The following DPP6 variants were observed in gnomAD, a reference collection of about 807,000 sequenced individuals.
DPP6 encodes the protein dipeptidyl peptidase like 6.
DPP6 carries 69 observed loss-of-function variants against 122.6 expected under a neutral mutation model. That is an observed-to-expected ratio of 0.56 (90% confidence interval 0.46 to 0.69). The LOEUF is 0.69. Among genes scored for constraint, DPP6 ranks in the 30% least tolerant of loss-of-function variants. The probability of loss-of-function intolerance (pLI) is 0.00; values close to 1 mark genes in which losing one functional copy is unlikely to be tolerated. For missense variants in DPP6, 928 were observed against 1,116.9 expected, an observed-to-expected ratio of 0.83 and a Z score of 2.41; for synonymous variants, 418 against 433.1, an observed-to-expected ratio of 0.97 and a Z score of 0.43.
chr7:154,331,274 G>A (rs1243178790), intron 1 of DPP6, among the ~76,000 whole-genome samples: 1 of 152,184 alleles, frequency 6.6e-6, no homozygotes, highest in Non-Finnish European at 1.5e-5. Flanking sequence ...TCAGTACGCA[G>A]GGACTGTCTC....
At chr7:154,408,266 T>C (rs1409537722) in intron 1 of DPP6, among the ~76,000 whole-genome samples, 1 of 152,218 alleles carries the variant, frequency 6.6e-6, no homozygotes. Context: ...CTGTATTCAA[T>C]GTGTAAATAC....
chr7:154,803,607 G>A (rs947171306), intron 13 of DPP6, among the ~76,000 whole-genome samples: 3 of 152,200 alleles, frequency 2.0e-5, no homozygotes, highest in South Asian at 2.1e-4. Flanking sequence ...AGTGATTCGC[G>A]TCACCAAAGA....
intron 1 of DPP6, among the ~76,000 whole-genome samples, chr7:154,240,658 A>G (rs761349755): frequency 1.3e-5 from 2 of 152,170 alleles, no homozygotes; most frequent in African/African-American, 2.4e-5. Flanking sequence ...GAGTATTCCC[A>G]GTTTGGTGAT....
At chr7:153,788,686 G>C in the DPP6 span, among the ~76,000 whole-genome samples, 1 of 152,184 alleles carries the variant, frequency 6.6e-6, no homozygotes, top group Admixed American at 6.5e-5. Context: ...GTTCCTGGCA[G>C]AGTGCAGTGG....
intron 12 of DPP6, among the ~76,000 whole-genome samples, chr7:154,798,144 G>T (rs769695443): frequency 2.6e-5 from 4 of 152,302 alleles, no homozygotes; most frequent in Non-Finnish European, 2.9e-5. Context: ...ATTCTCACAG[G>T]GGGAGCTGGC....
chr7:153,856,291 G>C, the DPP6 span, among the ~76,000 whole-genome samples: 1 of 152,110 alleles, frequency 6.6e-6, no homozygotes, highest in Admixed American at 6.5e-5. Context: ...CAAGGTCACT[G>C]GTCTTACCAA....
chr7:153,882,819 G>A (rs959025076), upstream of DPP6, among the ~76,000 whole-genome samples: 9 of 152,088 alleles, frequency 5.9e-5, no homozygotes, highest in East Asian at 1.9e-4. Context: ...TGAAAAACAC[G>A]GCAGATTCTA....
At chr7:154,872,809 A>T (rs1432712322) in intron 19 of DPP6, 116 bp downstream of exon 19, 1 of 1,520,484 alleles carries the variant, frequency 6.6e-7, no homozygotes, top group Non-Finnish European at 8.9e-7. Flanking sequence ...ACATTGTTGC[A>T]AACTGAAAAC....
chr7:154,059,871 C>G (rs10253523), intron 1 of DPP6, among the ~76,000 whole-genome samples: 99,620 of 148,844 alleles, frequency 0.67, 34,148 homozygotes, highest in African/African-American at 0.8. Context: ...CCCTATTTGA[C>G]GGCCTTGGCA....
intron 1 of DPP6, among the ~76,000 whole-genome samples, chr7:154,226,214 A>C (rs1054908900): frequency 6.6e-6 from 1 of 152,216 alleles, no homozygotes. Context: ...AAATGGCATC[A>C]TGTCTGCAAG....
intron 1 of DPP6, among the ~76,000 whole-genome samples, chr7:154,383,789 C>A (rs1325094002): frequency 6.7e-6 from 1 of 148,488 alleles, no homozygotes; most frequent in Non-Finnish European, 1.5e-5. Context: ...ACTTGGGAGG[C>A]TGAGGCATGA....
chr7:154,319,119 T>A (rs1048803992), intron 1 of DPP6, among the ~76,000 whole-genome samples: 1 of 152,250 alleles, frequency 6.6e-6, no homozygotes, highest in African/African-American at 2.4e-5. Flanking sequence ...GCAGCCTCTC[T>A]GCGCTTGTCC....
At chr7:154,829,590 A>G (rs927558062) in intron 16 of DPP6, among the ~76,000 whole-genome samples, 5 of 152,146 alleles carry the variant, frequency 3.3e-5, no homozygotes, top group African/African-American at 1.2e-4. Context: ...TGAATTTCCA[A>G]GCAAATTGGG....
intron 10 of DPP6, among the ~76,000 whole-genome samples, chr7:154,778,392 C>A (rs1298527258): frequency 6.6e-6 from 1 of 152,092 alleles, no homozygotes; most frequent in Non-Finnish European, 1.5e-5. Context: ...CCAATATGCA[C>A]TGCCCATGAC....
At chr7:154,397,380 C>G (rs997134331) in intron 1 of DPP6, among the ~76,000 whole-genome samples, 1 of 152,012 alleles carries the variant, frequency 6.6e-6, no homozygotes, top group Non-Finnish European at 1.5e-5. Flanking sequence ...ATAGAAGAAT[C>G]ACATTTTAGT....
intron 1 of DPP6, among the ~76,000 whole-genome samples, chr7:154,336,651 CCATT>C (rs1463887607): frequency 1.3e-5 from 2 of 152,154 alleles, no homozygotes; most frequent in African/African-American, 4.8e-5. Context: ...ACTGCCAAGA[CCATT>C]CAGAGTTGTG....
intron 16 of DPP6, among the ~76,000 whole-genome samples, chr7:154,829,679 A>G (rs1437395897): frequency 6.6e-6 from 1 of 152,196 alleles, no homozygotes; most frequent in Non-Finnish European, 1.5e-5. Flanking sequence ...AGCTGGCATC[A>G]TACGCAAGAG....
chr7:154,556,315 GTC>G (rs1830038049), intron 4 of DPP6, among the ~76,000 whole-genome samples: 1 of 152,172 alleles, frequency 6.6e-6, no homozygotes, highest in Non-Finnish European at 1.5e-5. Context: ...ATGAATCACA[GTC>G]TGTCTGAATC....
chr7:154,328,477 G>A (rs563523113), intron 1 of DPP6, among the ~76,000 whole-genome samples: 60 of 152,300 alleles, frequency 3.9e-4, no homozygotes, highest in African/African-American at 1.3e-3. Context: ...AGAATGAGGG[G>A]ACAGACAGGG....
Sources: allele counts gnomAD v4.1 joint callset (sites outside exome capture counted in the v4.1 genomes callset), GRCh38; gene constraint gnomAD v4.1.1; transcripts MANE v1.5; gene names NCBI Gene and HGNC (gene_info 2026-07-23, HGNC 2026-07-21).